ENPEP: variants seen among roughly 807,000 people sequenced by gnomAD.
The protein encoded by ENPEP is AP-A.
ENPEP carries 103 observed loss-of-function variants against 114.5 expected under a neutral mutation model. The ratio of observed to expected loss-of-function variants is 0.90; its 90% CI spans 0.77 to 1.06. The LOEUF is 1.06. ENPEP is among the 50% of genes least tolerant of loss of function. The pLI is 0.00. For synonymous variants in ENPEP, 420 were observed against 422.0 expected, an observed-to-expected ratio of 1.00 and a Z score of 0.06; for missense variants, 1,196 against 1,161.3, an observed-to-expected ratio of 1.03 and a Z score of -0.43.
intron 10 of ENPEP, among the ~76,000 whole-genome samples, chr4:110,526,917 C>G (rs1471971460): frequency 6.6e-6 from 1 of 152,152 alleles, no homozygotes; most frequent in Non-Finnish European, 1.5e-5. Context: ...GGAAGGAATT[C>G]AATCAGGTGA....
chr4:110,510,330 T>A lies in ENPEP; in HGVS notation c.1280T>A (p.Val427Glu). Residue 427 changes from valine to glutamate, a missense_variant, in exon 6 of 20, where the codon GTA becomes GAA. By Grantham distance (121) the Val-to-Glu change is moderately radical. Transcript: ENST00000265162. ...GFASFFEFLGVNHAETDWQMR... is the reference protein window; with the variant it reads ...GFASFFEFLGENHAETDWQMR... ...GCTTCTTTCTTTGAGTTTCTGGGAG[T>A]AAACCATGCAGAAACAGACTGGCAA... 1 of 1,613,978 alleles carries A rather than the reference T, an allele frequency of 6.2e-7. No homozygotes were observed. The highest frequency in any genetic ancestry group is 8.5e-7 in the Non-Finnish European group (1 of 1,179,966).
intron 1 of ENPEP, among the ~76,000 whole-genome samples, chr4:110,479,074 A>G (rs917689589): frequency 2.1e-4 from 32 of 152,242 alleles, no homozygotes; most frequent in Non-Finnish European, 4.3e-4. Flanking sequence ...AAATTCATCC[A>G]TAAATTCTTT....
intron 1 of ENPEP, among the ~76,000 whole-genome samples, chr4:110,480,177 C>A (rs1265805438): frequency 6.6e-6 from 1 of 152,222 alleles, no homozygotes; most frequent in Non-Finnish European, 1.5e-5. Context: ...TCTCACATTA[C>A]AAAAGATGCT....
At chr4:110,553,543 C>A in intron 18 of ENPEP, 88 bp downstream of exon 18, 2 of 1,278,888 alleles carry the variant, frequency 1.6e-6, no homozygotes, top group South Asian at 2.0e-5. Context: ...CTGTCTCTGA[C>A]ATCTATACAA....
At chr4:110,508,668 A>G (rs1725462400) in intron 4 of ENPEP, among the ~76,000 whole-genome samples, 3 of 151,918 alleles carry the variant, frequency 2.0e-5, no homozygotes, top group East Asian at 1.9e-4. Context: ...AAAATTAGCC[A>G]GGCGCGGTGG....
At chr4:110,518,358 C>T (rs1388673228) in intron 8 of ENPEP, among the ~76,000 whole-genome samples, 1 of 151,984 alleles carries the variant, frequency 6.6e-6, no homozygotes, top group African/African-American at 2.4e-5. Flanking sequence ...ATGTCTTTTC[C>T]CTTCTTGGGA....
Position 110,528,183 on chromosome 4 carries a change from A to G in ENPEP, c.1728-3015A>G, listed in dbSNP as rs184057041. 7.2e-5 allele frequency among the ~76,000 whole-genome samples: 11 copies of G among 152,294 alleles called. No individual in the cohort carries two copies. In the East Asian group the frequency reaches 1.9e-3, roughly 27 times the overall value. ...GAATTTTTTTGTGATGGCTTATCAT[A>G]AAGTTAATATGTTCATTCTATTTTT... On this transcript the variant is annotated intron_variant, in intron 10 of 19. Transcript: ENST00000265162.
intron 3 of ENPEP, among the ~76,000 whole-genome samples, chr4:110,495,580 G>A (rs901197940): frequency 6.6e-6 from 1 of 152,082 alleles, no homozygotes; most frequent in African/African-American, 2.4e-5. Flanking sequence ...AATCAGCCGG[G>A]CGTGATGGTG....
chr4:110,505,242 G>A (rs978741014), intron 3 of ENPEP, among the ~76,000 whole-genome samples: 2 of 152,100 alleles, frequency 1.3e-5, no homozygotes, highest in African/African-American at 2.4e-5. Flanking sequence ...AGGACAGGAG[G>A]GTAATCCAAA....
chr4:110,560,972 A>T (rs1346784527), intron 19 of ENPEP, among the ~76,000 whole-genome samples: 1 of 152,100 alleles, frequency 6.6e-6, no homozygotes, highest in Non-Finnish European at 1.5e-5. Flanking sequence ...TTTAAGAAAG[A>T]TTTGTTTTAT....
At chr4:110,507,799 A>G (rs1725425697) in intron 4 of ENPEP, among the ~76,000 whole-genome samples, 1 of 151,942 alleles carries the variant, frequency 6.6e-6, no homozygotes, top group Admixed American at 6.6e-5. Flanking sequence ...ACATGGTGAA[A>G]CCCCATCGCT....
chr4:110,484,902 A>G (rs1277989590), intron 1 of ENPEP, among the ~76,000 whole-genome samples: 3 of 146,936 alleles, frequency 2.0e-5, no homozygotes, highest in African/African-American at 7.3e-5. Flanking sequence ...ACACACGAAG[A>G]TGTGTGTGGT....
chr4:110,520,425 TG>T, intron 10 of ENPEP, 59 bp downstream of exon 10: 1 of 1,548,808 alleles, frequency 6.5e-7, no homozygotes, highest in East Asian at 2.2e-5. Flanking sequence ...ATTGGTAATT[TG>T]TTTATATCCT....
At chr4:110,520,474 T>A in intron 10 of ENPEP, 108 bp downstream of exon 10, 1 of 1,191,388 alleles carries the variant, frequency 8.4e-7, no homozygotes, top group Non-Finnish European at 1.2e-6. Flanking sequence ...TATACAAGTA[T>A]AAAGCCACAG....
rs74725801 is a variant in ENPEP, at chr4:110,504,865, C to T, written c.919-1772C>T. On this transcript the variant is annotated intron_variant, in intron 3 of 19. Transcript: ENST00000265162. The stretch of plus-strand genomic sequence containing the variant: ...TGAGTCTGTCTCCTTCCCATTGCTC[C>T]ACCTACGGTGGGAGACCTCACCATG... Among the ~76,000 whole-genome samples, 204 of 152,336 alleles carry T rather than the reference C, an allele frequency of 1.3e-3. 2 individuals carry two copies. The highest frequency in any genetic ancestry group is 4.7e-3 in the African/African-American group (195 of 41,586).
rs1726391787 is a variant in ENPEP, at chr4:110,531,184, T to A, written c.1728-14T>A. ...GTAATAAAAGTTAAATTTTTCTTTT[T>A]AAAAAAATTTTAGTTATACATGGAA... On this transcript the variant is annotated splice_polypyrimidine_tract_variant and intron_variant, in intron 10 of 19. Coordinates refer to ENST00000265162, the MANE Select transcript of ENPEP (RefSeq NM_001977.4). The A allele has an allele frequency of 1.4e-6, 2 of 1,413,666 alleles. No individual in the cohort carries two copies. Among genetic ancestry groups the A allele is most frequent in the Admixed American group, 2.5e-5 (1 of 40,062 alleles). The allele number at this position is 1,413,666 out of a possible 1,614,324, so 87.6% of individuals were successfully genotyped here.
At chr4:110,553,932 A>C (rs1367296378) in intron 18 of ENPEP, among the ~76,000 whole-genome samples, 1 of 152,034 alleles carries the variant, frequency 6.6e-6, no homozygotes, top group South Asian at 2.1e-4. Context: ...AATGTTTCTT[A>C]AAAGGGAATT....
chr4:110,501,401 C>T (rs1725151616), intron 3 of ENPEP, among the ~76,000 whole-genome samples: 1 of 152,012 alleles, frequency 6.6e-6, no homozygotes, highest in East Asian at 1.9e-4. Context: ...AAGCATAGTG[C>T]CCGATAGGTG....
chr4:110,514,438 C>T (rs903549964), intron 7 of ENPEP, among the ~76,000 whole-genome samples: 1 of 151,956 alleles, frequency 6.6e-6, no homozygotes, highest in African/African-American at 2.4e-5. Flanking sequence ...TTCTTGTATT[C>T]ATTTTTCTTT....
Sources: allele counts gnomAD v4.1 joint callset (sites outside exome capture counted in the v4.1 genomes callset), GRCh38; gene constraint gnomAD v4.1.1; transcripts MANE v1.5; gene names NCBI Gene and HGNC (gene_info 2026-07-23, HGNC 2026-07-21).